PRICKLE2: variants seen among roughly 807,000 people sequenced by gnomAD.
PRICKLE2 encodes prickle planar cell polarity protein 2, also known as prickle-like protein 2.
A neutral mutation model predicts 81.4 loss-of-function variants in PRICKLE2; 21 were observed. The observed-to-expected ratio is 0.26, with a 90% CI of 0.18 to 0.37. PRICKLE2 has a LOEUF of 0.37. Among genes scored for constraint, PRICKLE2 ranks in the 10% least tolerant of loss-of-function variants. PRICKLE2 has a pLI of 1.00. For missense variants in PRICKLE2, 940 were observed against 1,109.0 expected (o/e 0.85, Z 2.16); for synonymous variants, 456 against 421.5 (o/e 1.08, Z -1.00).
intron 2 of PRICKLE2, among the ~76,000 whole-genome samples, chr3:64,167,887 T>C (rs1305333501): frequency 6.6e-6 from 1 of 152,224 alleles, no homozygotes; most frequent in African/African-American, 2.4e-5. Flanking sequence ...CAGGTCCTGC[T>C]GTTAGTCCAG....
intron 2 of PRICKLE2, among the ~76,000 whole-genome samples, chr3:64,180,355 T>A (rs2078107046): frequency 6.6e-6 from 1 of 152,136 alleles, no homozygotes; most frequent in Non-Finnish European, 1.5e-5. Flanking sequence ...TTACCACTTT[T>A]CAGCAGCATT....
chr3:64,147,866 A>C lies in PRICKLE2; in HGVS notation c.788-164T>G, dbSNP rs1466718786. Among the ~76,000 whole-genome samples, 1 of 152,184 alleles carries C rather than the reference A, an allele frequency of 6.6e-6. No homozygotes were observed. Among genetic ancestry groups the C allele is most frequent in the Non-Finnish European group, 1.5e-5 (1 of 68,040 alleles). On this transcript the variant is annotated intron_variant, in intron 6 of 7. Coordinates refer to ENST00000638394, the MANE Select transcript of PRICKLE2 (RefSeq NM_198859.4). The surrounding 1 kb of genome is among the most constrained non-coding windows in gnomAD (Gnocchi z 5.0). ...CTTATGTAAATGGTATTCACGTCCT[A>C]TTACGAGAAGTCCTTGTTGTACCAG...
At chr3:64,115,936 A>G (rs373106500) in intron 7 of PRICKLE2, among the ~76,000 whole-genome samples, 14 of 152,334 alleles carry the variant, frequency 9.2e-5, no homozygotes, top group African/African-American at 2.4e-4. Context: ...AATAGATCAC[A>G]CAATCAGAAG....
chr3:64,147,399 C>G lies in PRICKLE2; in HGVS notation c.1091G>C (p.Arg364Pro). The G allele has an allele frequency of 6.2e-7, 1 of 1,614,242 alleles. No homozygotes were observed. Among genetic ancestry groups the G allele is most frequent in the Non-Finnish European group, 8.5e-7 (1 of 1,180,042 alleles). ...QHSQLQVSSN[R>P]LSADVDPLSL... is the part of the protein sequence containing the mutation. ...CAGGGGGTCTACGTCGGCTGACAGC[C>G]GGTTAGAACTCACTTGCAGCTGGCT... The change falls in exon 7 of 8, where the codon CGG becomes CCG. Residue 364 changes from arginine (R) to proline (P), a missense_variant. Transcript: ENST00000638394. The surrounding 1 kb of genome is among the most constrained non-coding windows in gnomAD (Gnocchi z 5.0).
At chr3:64,133,744 C>T (rs74865194) in intron 7 of PRICKLE2, among the ~76,000 whole-genome samples, 5,365 of 152,198 alleles carry the variant, frequency 0.035, 179 homozygotes, top group African/African-American at 0.084. Flanking sequence ...TCAGACAAGG[C>T]TGTAAATCAG....
intron 7 of PRICKLE2, among the ~76,000 whole-genome samples, chr3:64,121,798 G>A (rs981494551): frequency 6.6e-6 from 1 of 152,140 alleles, no homozygotes; most frequent in African/African-American, 2.4e-5. Flanking sequence ...AGTTCCATGT[G>A]TTGTATATTT....
chr3:64,252,308 T>C (rs2079459352), intron 2 of PRICKLE2, among the ~76,000 whole-genome samples: 1 of 152,116 alleles, frequency 6.6e-6, no homozygotes, highest in South Asian at 2.1e-4. Flanking sequence ...AACTCTCCTT[T>C]CTCCCAGGAA....
intron 2 of PRICKLE2, among the ~76,000 whole-genome samples, chr3:64,247,435 T>C (rs1382738513): frequency 6.6e-6 from 1 of 152,214 alleles, no homozygotes; most frequent in Non-Finnish European, 1.5e-5. Flanking sequence ...TCTAAATGAC[T>C]ATTATTCTCA....
intron 3 of PRICKLE2, 66 bp downstream of exon 3, chr3:64,162,950 T>C: frequency 3.9e-6 from 4 of 1,018,144 alleles, no homozygotes; most frequent in Non-Finnish European, 6.3e-6. Context: ...TGGCAGATTA[T>C]GAAAAAGGTA....
At position 64,095,086 on chromosome 3, in the gene PRICKLE2, G is replaced by C. The variant is rs1458780077; in HGVS notation, c.*3965C>G. On this transcript the variant is annotated 3_prime_UTR_variant, in exon 8 of 8. Coordinates refer to ENST00000638394, the MANE Select transcript of PRICKLE2 (RefSeq NM_198859.4). ...GAATTTAAATATTTATTTATTTTTTGTTAGAAGGTGGGATTACATGAAGAA... is the reference window on the plus strand; with the variant it reads ...GAATTTAAATATTTATTTATTTTTTCTTAGAAGGTGGGATTACATGAAGAA... The C allele has an allele frequency of 2.0e-5, 3 of 152,402 alleles. No homozygotes were observed. The highest frequency in any genetic ancestry group is 4.4e-5 in the Non-Finnish European group (3 of 67,998). 9.4% of individuals were successfully genotyped at this position (152,402 alleles called of 1,614,324 possible).
intron 2 of PRICKLE2, among the ~76,000 whole-genome samples, chr3:64,189,598 C>T (rs2078296004): frequency 6.6e-6 from 1 of 152,146 alleles, no homozygotes; most frequent in Non-Finnish European, 1.5e-5. Context: ...ATCCTGTGAG[C>T]CTCAATGATT....
rs748599215 is a variant in PRICKLE2 at position 64,099,556 on chromosome 3, T to C, written c.2030A>G (p.Asp677Gly). 5 of 1,610,762 alleles carry C rather than the reference T, an allele frequency of 3.1e-6. No homozygotes were observed. In the African/African-American group the frequency reaches 6.7e-5, roughly 22 times the overall value. The change falls in exon 8 of 8, where the codon GAC becomes GGC. Residue 677 changes from aspartate (D) to glycine (G), a missense_variant. This residue lies in a region of PRICKLE2 where 670 missense variants were observed against 717.2 expected (regional missense o/e 0.93). Coordinates refer to ENST00000638394, the MANE Select transcript of PRICKLE2 (RefSeq NM_198859.4). This position sits in a 1 kb window ranked among gnomAD's most constrained non-coding sequence, Gnocchi z 4.3. ...ERTRRRATSR[D>G]DNRRFRPHRS... is the part of the protein sequence containing the mutation. ...GTGAGGTCGGAAACGGCGGTTGTCG[T>C]CGCGTGAAGTAGCTCTTCTCCGGGT...
intron 2 of PRICKLE2, among the ~76,000 whole-genome samples, chr3:64,265,355 T>C (rs2079684615): frequency 6.6e-6 from 1 of 152,186 alleles, no homozygotes; most frequent in African/African-American, 2.4e-5. Flanking sequence ...CATTCTGTGT[T>C]TTAGTAGCTA....
chr3:64,239,122 G>T lies in PRICKLE2; in HGVS notation c.129-40155C>A, dbSNP rs559621287. 2.3e-3 allele frequency among the ~76,000 whole-genome samples: 347 copies of T among 152,298 alleles called. 2 individuals carry two copies. The South Asian group carries it at 0.027, about 12-fold the overall frequency. On this transcript the variant is annotated intron_variant, in intron 2 of 8. Transcript: ENST00000295902. ...GAATTATTTAGCACCCTCCTCTGAG[G>T]GGGCCAGGCATGCACCTCACAGCCG...
intron 6 of PRICKLE2, among the ~76,000 whole-genome samples, chr3:64,152,871 G>A (rs2077569391): frequency 1.3e-5 from 2 of 152,138 alleles, no homozygotes; most frequent in African/African-American, 4.8e-5. Flanking sequence ...CAAATACTAA[G>A]ACTAGTATCA....
upstream of PRICKLE2, among the ~76,000 whole-genome samples, chr3:64,227,104 A>G (rs937601939): frequency 6.6e-6 from 1 of 152,250 alleles, no homozygotes; most frequent in African/African-American, 2.4e-5. Flanking sequence ...ATAATGCTTA[A>G]TAACTTCTTT....
Position 64,147,861 on chromosome 3 carries a change from G to A in PRICKLE2, c.788-159C>T, listed in dbSNP as rs2077483755. Among the ~76,000 whole-genome samples the A allele has an allele frequency of 1.3e-5, 2 of 152,158 alleles. No individual in the cohort carries two copies. Among genetic ancestry groups the A allele is most frequent in the African/African-American group, 4.8e-5 (2 of 41,426 alleles). ...AGACCCTTATGTAAATGGTATTCAC[G>A]TCCTATTACGAGAAGTCCTTGTTGT... On this transcript the variant is annotated intron_variant, in intron 6 of 7. Transcript: ENST00000638394. This position sits in a 1 kb window ranked among gnomAD's most constrained non-coding sequence, Gnocchi z 5.0.
At chr3:64,250,120 T>C (rs1466496344) in intron 2 of PRICKLE2, among the ~76,000 whole-genome samples, 1 of 152,222 alleles carries the variant, frequency 6.6e-6, no homozygotes, top group African/African-American at 2.4e-5. Flanking sequence ...ATCAGCAAGC[T>C]TCCTGGAAGG....
At chr3:64,238,268 G>A (rs915018094) in intron 2 of PRICKLE2, among the ~76,000 whole-genome samples, 8 of 152,060 alleles carry the variant, frequency 5.3e-5, no homozygotes, top group African/African-American at 1.9e-4. Flanking sequence ...AGGCAGGTAC[G>A]AACGAGGTCA....
Sources: allele counts gnomAD v4.1 joint callset (sites outside exome capture counted in the v4.1 genomes callset), GRCh38; gene constraint gnomAD v4.1.1; regional missense constraint gnomAD v4.1.1; non-coding constraint Gnocchi (gnomAD v3.1); transcripts MANE v1.5; gene names NCBI Gene and HGNC (gene_info 2026-07-23, HGNC 2026-07-21).